Variants in APOB observed in about 807,000 individuals in gnomAD.
The protein encoded by APOB is apolipoprotein B-100.
APOB carries 153 observed loss-of-function variants against 314.1 expected under a neutral mutation model. The ratio of observed to expected loss-of-function variants is 0.49; its 90% CI spans 0.43 to 0.56. The LOEUF (loss-of-function observed/expected upper bound fraction) is 0.56. Ranked by LOEUF, APOB falls within the 20% of genes least tolerant of loss-of-function variation. The pLI is 0.00. For synonymous variants in APOB, 2,087 were observed against 2,036.4 expected (o/e 1.02, Z -0.67); for missense variants, 5,430 against 5,350.7 (o/e 1.01, Z -0.46).
Position 21,010,437 on chromosome 2 carries a change from GCAGT to G in APOB, c.6427_6430del (p.Thr2143LeufsTer17). ...TGTAATTCTATACTTTTTTGTGAGA[GCAGT>G]CAGTTTCTCCTTGGCATGTGAAACT... On this transcript the variant is annotated frameshift_variant, in exon 26 of 29. Transcript: ENST00000233242. LOFTEE classifies it high-confidence loss of function. 6.2e-7 allele frequency: 1 copy of G among 1,604,876 alleles called. No homozygotes were observed. The highest frequency in any genetic ancestry group is 8.5e-7 in the Non-Finnish European group (1 of 1,174,202).
At chr2:21,032,155 G>C (rs972752620) in intron 10 of APOB, among the ~76,000 whole-genome samples, 199 bp downstream of exon 10, 8 of 152,092 alleles carry the variant, frequency 5.3e-5, no homozygotes, top group Non-Finnish European at 1.2e-4. Context: ...ATAATGTAGA[G>C]AAAATATTTT....
chr2:21,032,308 GA>G (rs1159909113), intron 10 of APOB, 45 bp downstream of exon 10: 11 of 1,526,110 alleles, frequency 7.2e-6, no homozygotes, highest in Non-Finnish European at 9.0e-6. Flanking sequence ...AGAGGTGCAA[GA>G]TGTTCCTCTG....
At position 21,043,498 on chromosome 2, in the gene APOB, G is replaced by A; in HGVS notation, c.121+15C>T. On this transcript the variant is annotated intron_variant, in intron 2 of 28. Transcript: ENST00000233242. ...GGCTGGGCGCCCTTCCACGCCCCATGCGCAGATGCCTTACTTGGACAGACC... is the reference window on the plus strand; with the variant it reads ...GGCTGGGCGCCCTTCCACGCCCCATACGCAGATGCCTTACTTGGACAGACC... 4.4e-6 allele frequency: 7 copies of A among 1,599,792 alleles called. No individual in the cohort carries two copies. Among genetic ancestry groups the A allele is most frequent in the Non-Finnish European group, 6.0e-6 (7 of 1,173,114 alleles).
In APOB at chr2:21,022,959, C is replaced by T; in HGVS notation, c.2688G>A (p.Arg896=). 6.2e-7 allele frequency: 1 copy of T among 1,614,176 alleles called. No homozygotes were observed. The change falls in exon 18 of 29, where the codon AGG becomes AGA. Residue 896 remains arginine (R), a synonymous_variant. Transcript: ENST00000233242. ...NMGIIIPDFA[R]SGVQMNTNFF... ...AGTTGGTGTTCATCTGGACCCCACT[C>T]CTAGCGAAGTCCGGAATGATGATGC...
intron 5 of APOB, among the ~76,000 whole-genome samples, chr2:21,037,701 A>T (rs1183490331): frequency 1.3e-5 from 2 of 152,154 alleles, no homozygotes; most frequent in Admixed American, 1.3e-4. Flanking sequence ...AAACAAAAGC[A>T]GGGGTGGGGT....
chr2:21,028,359 A>G lies in APOB; in HGVS notation c.1797T>C (p.Asn599=). 1 of 1,614,154 alleles carries G rather than the reference A, an allele frequency of 6.2e-7. No homozygotes were observed. The highest frequency in any genetic ancestry group is 8.5e-7 in the Non-Finnish European group (1 of 1,179,978). The change falls in exon 13 of 29, where the codon AAT becomes AAC. Residue 599 remains asparagine (N), a synonymous_variant. Transcript: ENST00000233242. ...VKNFVASHIA[N]ILNSEELDIQ... is the part of the protein sequence containing the mutation. ...TATCCAATTCTTCTGAGTTCAAGATATTGGCAATATGGGAAGCCACAAAGT... is the reference window on the plus strand; with the variant it reads ...TATCCAATTCTTCTGAGTTCAAGATGTTGGCAATATGGGAAGCCACAAAGT...
Position 21,033,324 on chromosome 2 carries a change from A to C in APOB, c.1099T>G (p.Leu367Val). The change falls in exon 9 of 29, where the codon TTG becomes GTG. Residue 367 changes from leucine to valine, a missense_variant. This residue lies in a region of APOB where 2,085 missense variants were observed against 2,079.7 expected (regional missense o/e 1.00). Transcript: ENST00000233242. ...CTGGACACCTCAATCAGCTGTGGCA[A>C]GAGAGATGTGACTGCTTCATCACTG... ...GLSDEAVTSL[L>V]PQLIEVSSPI... is the part of the protein sequence containing the mutation. 6.2e-7 allele frequency: 1 copy of C among 1,614,122 alleles called. No homozygotes were observed. The highest frequency in any genetic ancestry group is 1.3e-5 in the African/African-American group (1 of 75,048).
intron 3 of APOB, among the ~76,000 whole-genome samples, chr2:21,041,728 C>T (rs1047026147): frequency 1.1e-4 from 17 of 152,066 alleles, no homozygotes; most frequent in Non-Finnish European, 2.5e-4. Context: ...TTAAATAGCC[C>T]AATGTGGCTC....
In APOB at chr2:21,012,006, G is replaced by T; in HGVS notation, c.4862C>A (p.Ser1621Tyr). The change falls in exon 26 of 29, where the codon TCC (serine) becomes TAC (tyrosine). Residue 1621 changes from serine (S) to tyrosine (Y), a missense_variant. Transcript: ENST00000233242. ...FFSLLSGSLN[S>Y]HGLELNADIL... Reference sequence around the variant, plus strand: ...GTCAGCATTTAACTCAAGACCATGGGAATTTAGTGATCCAGAAAGCAGGCT... The same window carrying T: ...GTCAGCATTTAACTCAAGACCATGGTAATTTAGTGATCCAGAAAGCAGGCT... 1.2e-6 allele frequency: 2 copies of T among 1,614,104 alleles called. No homozygotes were observed. The highest frequency in any genetic ancestry group is 1.7e-6 in the Non-Finnish European group (2 of 1,180,026).
Position 21,043,963 on chromosome 2 carries a change from C to A in APOB, c.-18G>T. On this transcript the variant is annotated 5_prime_UTR_variant, in exon 1 of 29. Transcript: ENST00000233242. ...GGGTCCATCGCCAGCTGCGGTGGGG[C>A]GGCTCCTGGGCTGCGGCCTGGCCTC... The A allele has an allele frequency of 1.6e-6, 2 of 1,256,570 alleles. No homozygotes were observed. Among genetic ancestry groups the A allele is most frequent in the East Asian group, 3.4e-5 (1 of 29,798 alleles). 77.8% of individuals were successfully genotyped at this position (1,256,570 alleles called of 1,614,324 possible). A position where few individuals can be genotyped will look rare whatever the true frequency, so the allele number is the denominator to read the frequency against.
Position 21,015,076 on chromosome 2 carries a change from T to G in APOB, c.3693A>C (p.Ile1231=), listed in dbSNP as rs1182677013. 1.2e-6 allele frequency: 2 copies of G among 1,613,752 alleles called. No homozygotes were observed. Among genetic ancestry groups the G allele is most frequent in the Non-Finnish European group, 1.7e-6 (2 of 1,179,820 alleles). ...TGACTGGCAGACTCATACTTACAAC[T>G]ATTAATTTGGAACCCACGTGCCGGA... ...MTFRHVGSKL[I]VAMSSWLQKA... Residue 1231 remains isoleucine (I), a synonymous_variant, in exon 23 of 29, where the codon ATA becomes ATC. Coordinates refer to ENST00000233242, the MANE Select transcript of APOB (RefSeq NM_000384.3).
Position 21,022,958 on chromosome 2 carries a change from T to C in APOB, c.2689A>G (p.Ser897Gly). The change falls in exon 18 of 29, where the codon AGT becomes GGT. Residue 897 changes from serine (S) to glycine (G), a missense_variant. This residue lies in a region of APOB where 2,085 missense variants were observed against 2,079.7 expected (regional missense o/e 1.00). Transcript: ENST00000233242. The stretch of plus-strand genomic sequence containing the variant: ...AAGTTGGTGTTCATCTGGACCCCAC[T>C]CCTAGCGAAGTCCGGAATGATGATG... Reference protein sequence around the residue: ...MGIIIPDFARSGVQMNTNFFH... With the variant: ...MGIIIPDFARGGVQMNTNFFH... 2 of 1,614,156 alleles carry C rather than the reference T, an allele frequency of 1.2e-6. No homozygotes were observed. The highest frequency in any genetic ancestry group is 1.1e-5 in the South Asian group (1 of 91,070).
chr2:21,038,325 T>C (rs187226979), intron 4 of APOB, among the ~76,000 whole-genome samples: 1 of 152,282 alleles, frequency 6.6e-6, no homozygotes, highest in East Asian at 1.9e-4. Flanking sequence ...TCTTTTTTTT[T>C]CTTTTTTTCT....
In APOB at chr2:21,009,444, G is replaced by A; in HGVS notation, c.7424C>T (p.Ala2475Val). 6.2e-7 allele frequency: 1 copy of A among 1,614,022 alleles called. No individual in the cohort carries two copies. The highest frequency in any genetic ancestry group is 8.5e-7 in the Non-Finnish European group (1 of 1,179,958). Reference protein sequence around the residue: ...ALKLFLEETKATVAVYLESLQ... With the variant: ...ALKLFLEETKVTVAVYLESLQ... The stretch of plus-strand genomic sequence containing the variant: ...GCTTTCCAGATACACTGCAACTGTG[G>A]CCTTGGTTTCCTCTAAAAACAGTTT... Residue 2475 changes from alanine (A) to valine (V), a missense_variant, in exon 26 of 29, where the codon GCC becomes GTC. Ala to Val is a moderately conservative substitution (Grantham distance 64). Transcript: ENST00000233242.
rs1324040489 is a variant in APOB at position 21,012,104 on chromosome 2, A to G, written c.4764T>C (p.Asp1588=). Reference sequence around the variant, plus strand: ...GTGCATTTTGCTTAGAGAAGGTCATATCCATCTTGTTAGAAGTGGCAAAGT... The same window carrying G: ...GTGCATTTTGCTTAGAGAAGGTCATGTCCATCTTGTTAGAAGTGGCAAAGT... ...YKNFATSNKM[D]MTFSKQNALL... is the part of the protein sequence containing the mutation. Residue 1588 remains aspartate, a synonymous_variant, in exon 26 of 29, where the codon GAT becomes GAC. Transcript: ENST00000233242. 1 of 1,612,350 alleles carries G rather than the reference A, an allele frequency of 6.2e-7. No individual in the cohort carries two copies. The highest frequency in any genetic ancestry group is 8.5e-7 in the Non-Finnish European group (1 of 1,178,914).
Position 21,004,277 on chromosome 2 carries a change from TGTA to T in APOB, c.12076_12078del (p.Tyr4026del). ...CATTAGGTGGTATTTACCTGAGGGC[TGTA>T]GTAGAAGTTCCATTTAGAAAAGTCG... is the stretch of plus-strand genomic sequence containing the variant. On this transcript the variant is annotated inframe_deletion, in exon 28 of 29. Transcript: ENST00000233242. 1 of 1,613,934 alleles carries T rather than the reference TGTA, an allele frequency of 6.2e-7. No homozygotes were observed. Among genetic ancestry groups the T allele is most frequent in the Non-Finnish European group, 8.5e-7 (1 of 1,179,874 alleles).
chr2:21,040,877 C>G (rs999371734), intron 4 of APOB, 61 bp downstream of exon 4: 1 of 1,596,326 alleles, frequency 6.3e-7, no homozygotes, highest in South Asian at 1.1e-5. Flanking sequence ...GGTGCAAACA[C>G]ACAAGTTCAT....
Position 21,029,940 on chromosome 2 carries a change from A to G in APOB, c.1428T>C (p.Asp476=). The G allele has an allele frequency of 1.2e-6, 2 of 1,614,108 alleles. No individual in the cohort carries two copies. Among genetic ancestry groups the G allele is most frequent in the Non-Finnish European group, 1.7e-6 (2 of 1,179,960 alleles). ...TGTAATCTTCATCCCCAGTGCAGTC[A>G]TCTTGAATCTGTTCCATCAGGTAAT... The part of the protein sequence containing the change: ...IANYLMEQIQ[D]DCTGDEDYTY... The change falls in exon 11 of 29, where the codon GAT becomes GAC. Residue 476 remains aspartate, a synonymous_variant. Transcript: ENST00000233242.
Position 21,025,088 on chromosome 2 carries a change from G to A in APOB, c.2281C>T (p.Leu761=), listed in dbSNP as rs1558571013. 3.7e-6 allele frequency: 6 copies of A among 1,614,194 alleles called. No homozygotes were observed. Among genetic ancestry groups the A allele is most frequent in the Non-Finnish European group, 3.4e-6 (4 of 1,180,040 alleles). ...TCTTTGGATTTCAAATCTTTAATCA[G>A]CTTCTCAACACTGAGCATTATTCCA... ...VNGIMLSVEK[L]IKDLKSKEVP... The change falls in exon 16 of 29, where the codon CTG becomes TTG. Residue 761 remains leucine, a synonymous_variant. Coordinates refer to ENST00000233242, the MANE Select transcript of APOB (RefSeq NM_000384.3).
Sources: allele counts gnomAD v4.1 joint callset (sites outside exome capture counted in the v4.1 genomes callset), GRCh38; gene constraint gnomAD v4.1.1; regional missense constraint gnomAD v4.1.1; transcripts MANE v1.5; gene names NCBI Gene and HGNC (gene_info 2026-07-23, HGNC 2026-07-21).